The following PPP6R3 variants were observed in gnomAD, a reference collection of about 807,000 sequenced individuals.
The protein encoded by PPP6R3 is protein phosphatase 6 regulatory subunit 3.
PPP6R3 carries 38 observed loss-of-function variants against 110.7 expected under a neutral mutation model. That is an observed-to-expected ratio of 0.34 (90% CI 0.26 to 0.45). PPP6R3 has a LOEUF of 0.45. Ranked by LOEUF, PPP6R3 falls within the 20% of genes least tolerant of loss-of-function variation. The pLI is 1.00. For synonymous variants in PPP6R3, 369 were observed against 373.5 expected (o/e 0.99, Z 0.14); for missense variants, 870 against 1,062.4 (o/e 0.82, Z 2.52).
chr11:68,584,011 A>G (rs1246423769), intron 15 of PPP6R3, among the ~76,000 whole-genome samples: 2 of 152,144 alleles, frequency 1.3e-5, no homozygotes, highest in Non-Finnish European at 2.9e-5. Flanking sequence ...TACACCTGTC[A>G]TATTCCAGTA....
chr11:68,592,897 C>T (rs1050112498), intron 18 of PPP6R3, among the ~76,000 whole-genome samples: 13 of 152,190 alleles, frequency 8.5e-5, no homozygotes, highest in African/African-American at 2.9e-4. Flanking sequence ...TACAGTATAT[C>T]TTCACAGAGC....
In PPP6R3 at chr11:68,498,914, G is replaced by T. The variant is rs150445501; in HGVS notation, c.-157-20587G>T. ...TACTAAAGCTATTGTACCAAATTAG[G>T]CTTCCATCAGCAGTGTGTGAAAGTT... On this transcript the variant is annotated intron_variant, in intron 1 of 23. Coordinates refer to ENST00000393800, the MANE Select transcript of PPP6R3 (RefSeq NM_001164161.2). Among the ~76,000 whole-genome samples, 424 of 152,236 alleles carry T rather than the reference G, an allele frequency of 2.8e-3. 2 individuals are homozygous for T. The highest frequency in any genetic ancestry group is 9.7e-3 in the African/African-American group (404 of 41,546).
intron 14 of PPP6R3, among the ~76,000 whole-genome samples, chr11:68,581,026 C>T (rs1189014259): frequency 6.6e-6 from 1 of 152,166 alleles, no homozygotes; most frequent in Admixed American, 6.5e-5. Flanking sequence ...CCGCCTCGGC[C>T]TCCCAAAGTG....
chr11:68,517,879 A>T (rs937962399), intron 1 of PPP6R3, among the ~76,000 whole-genome samples: 18 of 152,076 alleles, frequency 1.2e-4, no homozygotes, highest in African/African-American at 4.3e-4. Flanking sequence ...TGGAGGTTGC[A>T]GTGAGCTGAG....
intron 1 of PPP6R3, among the ~76,000 whole-genome samples, chr11:68,504,700 A>C (rs1445018327): frequency 6.6e-6 from 1 of 152,206 alleles, no homozygotes; most frequent in Non-Finnish European, 1.5e-5. Context: ...ATAGCTGTCT[A>C]GTGTAGGAAG....
intron 1 of PPP6R3, among the ~76,000 whole-genome samples, chr11:68,461,204 C>T (rs1231307319): frequency 6.6e-6 from 1 of 151,400 alleles, no homozygotes; most frequent in Non-Finnish European, 1.5e-5. Context: ...AGTCTCGCCC[C>T]CCGCCCGGCC....
chr11:68,594,923 A>T (rs952514055), intron 18 of PPP6R3, among the ~76,000 whole-genome samples: 4 of 152,226 alleles, frequency 2.6e-5, no homozygotes, highest in Non-Finnish European at 5.9e-5. Flanking sequence ...CTACGCATAT[A>T]TGGACAACTG....
In PPP6R3 at chr11:68,614,613, T is replaced by C; in HGVS notation, c.*1496T>C. 6.6e-6 allele frequency: 10 copies of C among 1,515,626 alleles called. No homozygotes were observed. Among genetic ancestry groups the C allele is most frequent in the Non-Finnish European group, 7.9e-6 (9 of 1,139,030 alleles). 93.9% of individuals were successfully genotyped at this position (1,515,626 alleles called of 1,614,324 possible). ...ACGTCTAATGCCTTATTATTTCTGA[T>C]TTCCTTTTTCATTTTAAGTGGTGTG... On this transcript the variant is annotated 3_prime_UTR_variant, in exon 24 of 24. Transcript: ENST00000393800.
At chr11:68,604,836 A>T (rs931463720) in intron 22 of PPP6R3, among the ~76,000 whole-genome samples, 18 of 152,222 alleles carry the variant, frequency 1.2e-4, no homozygotes, top group African/African-American at 4.3e-4. Context: ...AAATACCAAG[A>T]TTTGCCATGT....
intron 1 of PPP6R3, among the ~76,000 whole-genome samples, chr11:68,504,303 A>G (rs2099063888): frequency 6.6e-6 from 1 of 152,112 alleles, no homozygotes; most frequent in Non-Finnish European, 1.5e-5. Flanking sequence ...AGAAATATAC[A>G]GGTGGGTCTG....
At position 68,613,234 on chromosome 11, in the gene PPP6R3, A is replaced by G; in HGVS notation, c.*117A>G. ...TGCTGCACTCACTCTGCAAGGGATC[A>G]GGACCAGCAACCTTTATATTCTAGA... On this transcript the variant is annotated 3_prime_UTR_variant, in exon 24 of 24. Transcript: ENST00000393800. The G allele has an allele frequency of 6.8e-7, 1 of 1,475,774 alleles. No individual in the cohort carries two copies. Among genetic ancestry groups the G allele is most frequent in the Non-Finnish European group, 9.0e-7 (1 of 1,115,208 alleles). The allele number at this position is 1,475,774 out of a possible 1,614,324, so 91.4% of individuals were successfully genotyped here.
chr11:68,476,887 G>A (rs548368313), intron 1 of PPP6R3, among the ~76,000 whole-genome samples: 21 of 151,742 alleles, frequency 1.4e-4, no homozygotes, highest in Middle Eastern at 3.4e-3. Flanking sequence ...TTAGCTGGGC[G>A]TGGTGGTTTG....
In PPP6R3 at chr11:68,505,361, G is replaced by A. The variant is rs2099070289; in HGVS notation, c.-157-14140G>A. 2.0e-5 allele frequency: 3 copies of A among 152,364 alleles called. No individual in the cohort carries two copies. In the South Asian group the frequency reaches 6.2e-4, roughly 32 times the overall value. The allele number at this position is 152,364 out of a possible 1,614,324, so 9.4% of individuals were successfully genotyped here. On this transcript the variant is annotated intron_variant, in intron 1 of 23. Transcript: ENST00000393800. The stretch of plus-strand genomic sequence containing the variant: ...TTCATTTAGAATCGTGGACACAATC[G>A]AGTTGAACTCTTACATTTTTTGGTT...
At chr11:68,555,888 CTGTT>C (rs141465671) in intron 7 of PPP6R3, among the ~76,000 whole-genome samples, 47 of 152,308 alleles carry the variant, frequency 3.1e-4, no homozygotes, top group Non-Finnish European at 5.6e-4. Context: ...TTCCCACAGT[CTGTT>C]TGAGAATAAG....
intron 3 of PPP6R3, among the ~76,000 whole-genome samples, chr11:68,544,249 C>T (rs1480838961): frequency 1.3e-5 from 2 of 152,158 alleles, no homozygotes; most frequent in Non-Finnish European, 2.9e-5. Flanking sequence ...TTGTATACTG[C>T]TTCCTGCCTT....
intron 23 of PPP6R3, chr11:68,612,808 G>T: frequency 1.8e-6 from 1 of 567,830 alleles, no homozygotes; most frequent in South Asian, 2.0e-5. Flanking sequence ...GCCGCGGTGG[G>T]GCGGTTCTCC....
At chr11:68,514,125 G>A (rs1390199787) in intron 1 of PPP6R3, among the ~76,000 whole-genome samples, 8 of 152,184 alleles carry the variant, frequency 5.3e-5, no homozygotes, top group African/African-American at 9.7e-5. Flanking sequence ...GTGCAGTGGC[G>A]TGATCATATC....
At chr11:68,462,825 G>C (rs1051552249) in intron 1 of PPP6R3, among the ~76,000 whole-genome samples, 1 of 152,144 alleles carries the variant, frequency 6.6e-6, no homozygotes, top group Non-Finnish European at 1.5e-5. Context: ...GACTTGGTTT[G>C]CTGTATTGGA....
intron 21 of PPP6R3, 109 bp downstream of exon 21, chr11:68,602,078 G>C (rs1043447120): frequency 2.4e-5 from 19 of 782,394 alleles, no homozygotes; most frequent in Non-Finnish European, 3.2e-5. Context: ...GAGATGGTGG[G>C]TCTGATGTCC....
Sources: allele counts gnomAD v4.1 joint callset (sites outside exome capture counted in the v4.1 genomes callset), GRCh38; gene constraint gnomAD v4.1.1; transcripts MANE v1.5; gene names NCBI Gene and HGNC (gene_info 2026-07-23, HGNC 2026-07-21).